FCN2: variants seen among roughly 807,000 people sequenced by gnomAD.
FCN2 encodes ficolin 2.
In FCN2, 31 loss-of-function variants were observed where a neutral mutation model predicts 32.5. That is an observed-to-expected ratio of 0.96 (90% CI 0.72 to 1.29). The LOEUF (loss-of-function observed/expected upper bound fraction) is 1.29, where lower values mean the gene tolerates loss of function less well. Ranked by LOEUF, FCN2 falls within the 50% of genes most tolerant of loss-of-function variation. The probability of loss-of-function intolerance (pLI) is 0.00; values close to 1 mark genes in which losing one functional copy is unlikely to be tolerated. For synonymous variants in FCN2, 181 were observed against 164.5 expected (o/e 1.10, Z -0.77); for missense variants, 412 against 406.5 (o/e 1.01, Z -0.12).
Position 134,882,644 on chromosome 9 carries a change from G to T in FCN2, c.214+5G>T. ...CAGGCACCAATGGAAAGAGAGGTAGGTGCAGGCATGGCTGGGGGCACTGGC... is the reference window on the plus strand; with the variant it reads ...CAGGCACCAATGGAAAGAGAGGTAGTTGCAGGCATGGCTGGGGGCACTGGC... On this transcript the variant is annotated splice_donor_5th_base_variant and intron_variant, in intron 2 of 7. Transcript: ENST00000291744. 1 of 1,591,436 alleles carries T rather than the reference G, an allele frequency of 6.3e-7. No individual in the cohort carries two copies. Among genetic ancestry groups the T allele is most frequent in the Non-Finnish European group, 8.6e-7 (1 of 1,159,656 alleles).
the FCN2 span, among the ~76,000 whole-genome samples, chr9:134,865,689 C>T: frequency 6.6e-6 from 1 of 151,958 alleles, no homozygotes; most frequent in Non-Finnish European, 1.5e-5. Flanking sequence ...CTGGTGAGAG[C>T]ACCGCTCTGG....
chr9:134,874,736 A>C, the FCN2 span, among the ~76,000 whole-genome samples: 1 of 152,350 alleles, frequency 6.6e-6, no homozygotes, highest in South Asian at 2.1e-4. Context: ...TTCAATTTGC[A>C]TTAAAAAGCT....
At chr9:134,867,722 G>T in the FCN2 span, among the ~76,000 whole-genome samples, 1 of 150,368 alleles carries the variant, frequency 6.7e-6, no homozygotes. Context: ...GCCACACCTG[G>T]CTCTGTGTCC....
At chr9:134,870,987 G>A in the FCN2 span, among the ~76,000 whole-genome samples, 2 of 152,130 alleles carry the variant, frequency 1.3e-5, no homozygotes, top group East Asian at 1.9e-4. The surrounding 1 kb of genome is among the most constrained non-coding windows in gnomAD (Gnocchi z 4.3). Context: ...AGAGTCAGGC[G>A]ACCTCGTTGC....
intron 1 of FCN2, among the ~76,000 whole-genome samples, chr9:134,882,228 C>T (rs1830674195): frequency 6.6e-6 from 1 of 152,238 alleles, no homozygotes; most frequent in Non-Finnish European, 1.5e-5. Flanking sequence ...ACACACAGTA[C>T]TGAGGAAGTA....
the FCN2 span, among the ~76,000 whole-genome samples, chr9:134,868,681 C>T: frequency 3.3e-5 from 5 of 152,314 alleles, no homozygotes; most frequent in South Asian, 6.2e-4. This position sits in a 1 kb window ranked among gnomAD's most constrained non-coding sequence, Gnocchi z 4.3. Context: ...CAAGGCTAGG[C>T]GAAGCCCCAG....
At chr9:134,877,198 T>C (rs1830611602), upstream of FCN2, among the ~76,000 whole-genome samples, 1 of 152,254 alleles carries the variant, frequency 6.6e-6, no homozygotes. Flanking sequence ...AATTTACTCT[T>C]GTTTTTCTAG....
At chr9:134,885,588 T>C (rs1564208143) in intron 5 of FCN2, among the ~76,000 whole-genome samples, 180 bp from the exon 6 acceptor site, 1 of 151,996 alleles carries the variant, frequency 6.6e-6, no homozygotes, top group Non-Finnish European at 1.5e-5. Flanking sequence ...GCCTCCCCTC[T>C]CTGAGCCCCC....
intron 1 of FCN2, among the ~76,000 whole-genome samples, chr9:134,882,267 A>G (rs1830674728): frequency 6.6e-6 from 1 of 152,228 alleles, no homozygotes; most frequent in Non-Finnish European, 1.5e-5. Flanking sequence ...GGTAGCCTCC[A>G]AGGCCAGGGT....
intron 1 of FCN2, among the ~76,000 whole-genome samples, chr9:134,881,204 G>A (rs1830658949): frequency 6.6e-6 from 1 of 152,222 alleles, no homozygotes; most frequent in Non-Finnish European, 1.5e-5. Flanking sequence ...AGCGTAAAAA[G>A]CGTAGTCATG....
At chr9:134,875,688 G>A in the FCN2 span, among the ~76,000 whole-genome samples, 1 of 152,182 alleles carries the variant, frequency 6.6e-6, no homozygotes, top group African/African-American at 2.4e-5. Flanking sequence ...GCAAGAAAAT[G>A]TATCCCTCAA....
At chr9:134,884,840 C>A (rs547325182) in intron 4 of FCN2, 68 bp downstream of exon 4, 18 of 1,400,180 alleles carry the variant, frequency 1.3e-5, no homozygotes, top group Non-Finnish European at 1.8e-5. Flanking sequence ...CAGGGTCATA[C>A]GACGCCATTG....
At chr9:134,866,159 A>G in the FCN2 span, among the ~76,000 whole-genome samples, 1 of 151,196 alleles carries the variant, frequency 6.6e-6, no homozygotes, top group African/African-American at 2.4e-5. Flanking sequence ...ATATGGAACC[A>G]AAAAAGAGCC....
At chr9:134,873,879 GTTTGTTTGT>G in the FCN2 span, among the ~76,000 whole-genome samples, 10 of 46,080 alleles carry the variant, frequency 2.2e-4, no homozygotes, top group African/African-American at 6.3e-4. Context: ...TTTTTTGTTT[GTTTGTTTGT>G]TTTGTTTTTT....
the FCN2 span, chr9:134,868,511 C>G: frequency 6.4e-6 from 1 of 156,124 alleles, no homozygotes; most frequent in African/African-American, 2.4e-5. The surrounding 1 kb of genome is among the most constrained non-coding windows in gnomAD (Gnocchi z 4.3). Flanking sequence ...TCCACACACC[C>G]TGGCTGGAGG....
intron 3 of FCN2, among the ~76,000 whole-genome samples, chr9:134,883,563 A>T (rs1274238271): frequency 2.2e-5 from 2 of 90,922 alleles, no homozygotes; most frequent in East Asian, 7.3e-4. Context: ...AGTCTGGGGG[A>T]GTGGGGTTAT....
At chr9:134,885,424 C>T (rs527278277) in intron 5 of FCN2, 58 bp downstream of exon 5, 1,212 of 1,597,396 alleles carry the variant, frequency 7.6e-4, no homozygotes, top group Admixed American at 1.1e-3. Flanking sequence ...CCAGGCTGCA[C>T]ACCTGGTGGG....
At chr9:134,881,144 T>C (rs765587091) in intron 1 of FCN2, among the ~76,000 whole-genome samples, 2 of 152,164 alleles carry the variant, frequency 1.3e-5, no homozygotes, top group Non-Finnish European at 2.9e-5. Context: ...CCTCCCATAA[T>C]GGAAACCGAG....
chr9:134,881,056 C>T, intron 1 of FCN2, 135 bp downstream of exon 1: 1 of 711,774 alleles, frequency 1.4e-6, no homozygotes, highest in Non-Finnish European at 2.5e-6. Context: ...AGCAGCTCTG[C>T]ATGCCTCATC....
Sources: gnomAD v4.1 joint callset for allele counts (sites outside exome capture counted in the v4.1 genomes callset) on GRCh38, gnomAD v4.1.1 for gene constraint, Gnocchi (gnomAD v3.1) non-coding constraint, MANE v1.5 for transcripts, NCBI Gene and HGNC (gene_info 2026-07-23, HGNC 2026-07-21) for gene names.